The following BORA variants were observed in gnomAD, a reference collection of about 807,000 sequenced individuals.
BORA encodes BORA aurora kinase A activator, also known as protein aurora borealis.
BORA carries 26 observed loss-of-function variants against 55.8 expected under a neutral mutation model. That is an observed-to-expected ratio of 0.47 (90% CI 0.34 to 0.65). The LOEUF (loss-of-function observed/expected upper bound fraction) is 0.65. Among genes scored for constraint, BORA ranks in the 30% least tolerant of loss-of-function variants. BORA has a pLI of 0.01. For synonymous variants in BORA, 201 were observed against 216.9 expected (o/e 0.93, Z 0.64); for missense variants, 568 against 671.5 (o/e 0.85, Z 1.70).
intron 3 of BORA, among the ~76,000 whole-genome samples, chr13:72,732,868 T>C (rs2032848067): frequency 6.6e-6 from 1 of 152,162 alleles, no homozygotes; most frequent in Non-Finnish European, 1.5e-5. Flanking sequence ...AGTCAAGAGA[T>C]ACTTATTGAG....
intron 4 of BORA, among the ~76,000 whole-genome samples, chr13:72,735,245 C>T (rs952337434): frequency 2.0e-5 from 3 of 152,128 alleles, no homozygotes; most frequent in African/African-American, 7.2e-5. Flanking sequence ...GTTTCTGTCC[C>T]CTAGACGCAA....
chr13:72,745,301 A>G, intron 8 of BORA, 94 bp downstream of exon 8: 1 of 1,059,354 alleles, frequency 9.4e-7, no homozygotes, highest in Non-Finnish European at 1.4e-6. Context: ...AGCAGCCTGA[A>G]GCCATGGTTG....
At chr13:72,730,900 A>C (rs1385243034) in intron 2 of BORA, among the ~76,000 whole-genome samples, 79 of 116,792 alleles carry the variant, frequency 6.8e-4, no homozygotes, top group African/African-American at 1.4e-3. Flanking sequence ...AAAAAAAAAA[A>C]AAAAAAAAAA....
chr13:72,729,304 A>G (rs1202181762), intron 2 of BORA, among the ~76,000 whole-genome samples: 1 of 152,108 alleles, frequency 6.6e-6, no homozygotes, highest in East Asian at 1.9e-4. Context: ...TTTTAAGTTC[A>G]AGAACATACG....
At chr13:72,736,971 C>T (rs2032942931) in intron 4 of BORA, among the ~76,000 whole-genome samples, 1 of 148,270 alleles carries the variant, frequency 6.7e-6, no homozygotes, top group Non-Finnish European at 1.5e-5. Context: ...TATATCTGCC[C>T]CAGTCCACCT....
chr13:72,738,231 T>A (rs2032971492), intron 5 of BORA, among the ~76,000 whole-genome samples, 188 bp downstream of exon 5: 1 of 152,190 alleles, frequency 6.6e-6, no homozygotes, highest in Non-Finnish European at 1.5e-5. Flanking sequence ...GTTTTTTAGC[T>A]GTTATACTCT....
At chr13:72,748,734 C>G (rs2033202384) in intron 10 of BORA, among the ~76,000 whole-genome samples, 1 of 1,154 alleles carries the variant, frequency 8.7e-4, no homozygotes, top group South Asian at 0.05. Flanking sequence ...CACTTTCTCT[C>G]TCTCTCTCTC....
At chr13:72,739,310 G>T (rs527410418) in intron 5 of BORA, among the ~76,000 whole-genome samples, 2 of 152,182 alleles carry the variant, frequency 1.3e-5, no homozygotes, top group South Asian at 4.2e-4. Context: ...AGTGATGCAG[G>T]ATCAAGAAGA....
intron 2 of BORA, among the ~76,000 whole-genome samples, chr13:72,729,552 C>A (rs2032766629): frequency 6.6e-6 from 1 of 152,202 alleles, no homozygotes; most frequent in African/African-American, 2.4e-5. Context: ...CACAAACTTT[C>A]TGTTAGGGGC....
intron 10 of BORA, among the ~76,000 whole-genome samples, chr13:72,748,572 C>T (rs946678466): frequency 6.6e-6 from 1 of 152,156 alleles, no homozygotes; most frequent in African/African-American, 2.4e-5. Context: ...TCCTGACTTA[C>T]AGCTTCATTG....
At position 72,755,591 on chromosome 13, in the gene BORA, G is replaced by A. The variant is rs2033439417; in HGVS notation, c.*375G>A. 3 of 340,008 alleles carry A rather than the reference G, an allele frequency of 8.8e-6. No individual in the cohort carries two copies. Among genetic ancestry groups the A allele is most frequent in the East Asian group, 4.5e-5 (1 of 22,156 alleles). 21.1% of individuals were successfully genotyped at this position (340,008 alleles called of 1,614,324 possible). The stretch of plus-strand genomic sequence containing the variant: ...CATGTGAAACTATGTTAAAACTGAA[G>A]GCACTATATATTTTTACATAAAAGC... On this transcript the variant is annotated 3_prime_UTR_variant, in exon 12 of 12. Coordinates refer to ENST00000390667, the MANE Select transcript of BORA (RefSeq NM_024808.5).
intron 2 of BORA, 147 bp downstream of exon 2, chr13:72,729,240 T>G: frequency 1.4e-6 from 1 of 735,762 alleles, no homozygotes; most frequent in Non-Finnish European, 2.0e-6. Context: ...TAAATTGTAG[T>G]GTTCATTATA....
chr13:72,754,571 G>A (rs2033392417), intron 11 of BORA: 1 of 152,188 alleles, frequency 6.6e-6, no homozygotes, highest in Non-Finnish European at 1.5e-5. Flanking sequence ...TCTGTTGTAT[G>A]TAGTAGGAGC....
rs781131454 is a variant in BORA, at chr13:72,755,247, T to TAAGA, written c.*32_*35dup. ...CTCTGTCAGAATCAAAGACTAAGCT[T>TAAGA]AAGAGTTCCTCGCATATATCGTTGT... On this transcript the variant is annotated 3_prime_UTR_variant, in exon 12 of 12. Coordinates refer to ENST00000390667, the MANE Select transcript of BORA (RefSeq NM_024808.5). 6.4e-7 allele frequency: 1 copy of TAAGA among 1,560,596 alleles called. No individual in the cohort carries two copies. Among genetic ancestry groups the TAAGA allele is most frequent in the Non-Finnish European group, 8.8e-7 (1 of 1,132,974 alleles).
intron 2 of BORA, among the ~76,000 whole-genome samples, chr13:72,730,870 G>A (rs2032795835): frequency 6.8e-6 from 1 of 147,876 alleles, no homozygotes; most frequent in Non-Finnish European, 1.5e-5. Context: ...GGCCAACATG[G>A]TGAAACCCCA....
intron 2 of BORA, among the ~76,000 whole-genome samples, chr13:72,730,235 C>T (rs559960747): frequency 3.9e-4 from 59 of 152,264 alleles, no homozygotes; most frequent in African/African-American, 1.3e-3. Flanking sequence ...TTACAATGAG[C>T]AAGTATGTAC....
At chr13:72,747,390 G>A (rs2033172987) in intron 10 of BORA, among the ~76,000 whole-genome samples, 1 of 152,154 alleles carries the variant, frequency 6.6e-6, no homozygotes, top group African/African-American at 2.4e-5. Flanking sequence ...AATCAATCCT[G>A]CTAGAGTCAG....
intron 8 of BORA, 26 bp downstream of exon 8, chr13:72,745,233 G>A (rs2033117238): frequency 1.9e-6 from 3 of 1,575,388 alleles, no homozygotes; most frequent in South Asian, 2.2e-5. Context: ...AAAAGCAGTT[G>A]GCTAATATGC....
intron 5 of BORA, among the ~76,000 whole-genome samples, chr13:72,741,816 T>G (rs2033038605): frequency 6.6e-6 from 1 of 152,150 alleles, no homozygotes; most frequent in Admixed American, 6.5e-5. Flanking sequence ...GTTAGACTCT[T>G]GGAATGCAGG....
Sources: gnomAD v4.1 joint callset for allele counts (sites outside exome capture counted in the v4.1 genomes callset) on GRCh38, gnomAD v4.1.1 for gene constraint, MANE v1.5 for transcripts, NCBI Gene and HGNC (gene_info 2026-07-23, HGNC 2026-07-21) for gene names.